ROBO2: variants seen among roughly 807,000 people sequenced by gnomAD.
The protein encoded by ROBO2 is roundabout homolog 2.
In ROBO2, 53 loss-of-function variants were observed where a neutral mutation model predicts 160.8. The observed-to-expected ratio is 0.33, with a 90% CI of 0.26 to 0.41. ROBO2 has a LOEUF of 0.41. ROBO2 is among the 10% of genes least tolerant of loss of function. The pLI is 1.00. For missense variants in ROBO2, 1,577 were observed against 1,722.4 expected, an observed-to-expected ratio of 0.92 and a Z score of 1.49; for synonymous variants, 664 against 611.7, an observed-to-expected ratio of 1.09 and a Z score of -1.26.
chr3:77,527,376 C>G (rs1406872889), intron 6 of ROBO2, 27 bp from the exon 7 acceptor site: 1 of 1,284,462 alleles, frequency 7.8e-7, no homozygotes, highest in Non-Finnish European at 1.0e-6. Flanking sequence ...TTTTTATGTT[C>G]TCACCACACC....
chr3:77,130,923 G>A (rs1238052369), intron 2 of ROBO2, among the ~76,000 whole-genome samples: 1 of 152,064 alleles, frequency 6.6e-6, no homozygotes, highest in Non-Finnish European at 1.5e-5. Context: ...ATTACGTTGT[G>A]CAAACTTCTT....
intron 2 of ROBO2, among the ~76,000 whole-genome samples, chr3:76,736,049 C>T (rs1331924288): frequency 2.0e-5 from 3 of 151,462 alleles, no homozygotes; most frequent in Admixed American, 2.0e-4. Flanking sequence ...TTTGGGAGGC[C>T]GAGGCGGGCG....
chr3:77,153,152 G>C (rs2077684979), intron 2 of ROBO2, among the ~76,000 whole-genome samples: 1 of 152,122 alleles, frequency 6.6e-6, no homozygotes, highest in African/African-American at 2.4e-5. Flanking sequence ...TTTTGGAAGA[G>C]TTTGTGAAGA....
rs564453040 is a variant in ROBO2 at position 76,184,409 on chromosome 3, C to A, written c.109+246807C>A. On this transcript the variant is annotated intron_variant, in intron 2 of 26. Transcript: ENST00000487694. Reference sequence around the variant, plus strand: ...CCATGACTGGCATATCAGCACAAAGCAAGTTGGATGACCAGCCCAGATTTA... The same window carrying A: ...CCATGACTGGCATATCAGCACAAAGAAAGTTGGATGACCAGCCCAGATTTA... Among the ~76,000 whole-genome samples, 168 of 152,202 alleles carry A rather than the reference C, an allele frequency of 1.1e-3. 1 individual carries two copies. The highest frequency in any genetic ancestry group is 1.9e-3 in the Non-Finnish European group (130 of 68,010).
chr3:76,576,544 A>G (rs1019541794), intron 2 of ROBO2, among the ~76,000 whole-genome samples: 4 of 152,102 alleles, frequency 2.6e-5, no homozygotes, highest in Admixed American at 1.3e-4. Flanking sequence ...TATAATCACA[A>G]ATCAGGTGGC....
intron 2 of ROBO2, among the ~76,000 whole-genome samples, chr3:76,504,213 G>C (rs995732819): frequency 6.6e-6 from 1 of 152,134 alleles, no homozygotes; most frequent in Non-Finnish European, 1.5e-5. Flanking sequence ...ATGTAAAATA[G>C]AGGTTTTGTA....
At chr3:77,325,406 G>T (rs1254709720) in intron 2 of ROBO2, among the ~76,000 whole-genome samples, 2 of 152,146 alleles carry the variant, frequency 1.3e-5, no homozygotes, top group African/African-American at 4.8e-5. Context: ...GACGCAACTG[G>T]GGATTTGACA....
chr3:77,246,557 T>C (rs1430119647), intron 2 of ROBO2, among the ~76,000 whole-genome samples: 1 of 152,100 alleles, frequency 6.6e-6, no homozygotes, highest in Admixed American at 6.5e-5. Context: ...AAGAGAAACA[T>C]GAGACTTCAA....
chr3:76,411,269 G>T (rs2075472008), intron 2 of ROBO2, among the ~76,000 whole-genome samples: 1 of 151,884 alleles, frequency 6.6e-6, no homozygotes, highest in African/African-American at 2.4e-5. Context: ...TGGCCAGGCA[G>T]TGTACCAAGA....
At chr3:77,216,029 G>A (rs1307038015) in intron 2 of ROBO2, among the ~76,000 whole-genome samples, 1 of 152,126 alleles carries the variant, frequency 6.6e-6, no homozygotes, top group Non-Finnish European at 1.5e-5. Context: ...CGGGGGTCAG[G>A]GACCCACTTG....
chr3:77,100,089 G>C (rs2071693402), intron 2 of ROBO2, among the ~76,000 whole-genome samples: 1 of 152,022 alleles, frequency 6.6e-6, no homozygotes, highest in Non-Finnish European at 1.5e-5. Context: ...TCATCTAAAA[G>C]AATTGCTTTC....
chr3:76,293,661 T>C (rs988252747), intron 2 of ROBO2, among the ~76,000 whole-genome samples: 6 of 152,176 alleles, frequency 3.9e-5, no homozygotes, highest in Admixed American at 3.3e-4. Flanking sequence ...GACATGGACA[T>C]TGGATGGAGT....
At chr3:77,180,416 C>CTCTCTCTCTCTATATATATATATG (rs1433740534) in intron 2 of ROBO2, among the ~76,000 whole-genome samples, 2 of 90,708 alleles carry the variant, frequency 2.2e-5, no homozygotes, top group African/African-American at 3.8e-5. Context: ...CTCTCTCTCT[C>CTCTCTCTCTCTATATATATATATG]TATATATATA....
At chr3:76,118,971 A>G (rs756236752) in intron 2 of ROBO2, among the ~76,000 whole-genome samples, 4 of 152,180 alleles carry the variant, frequency 2.6e-5, no homozygotes, top group Non-Finnish European at 4.4e-5. Flanking sequence ...TTTTTCTTAT[A>G]GAAAATCATC....
At chr3:76,019,068 G>A (rs2066488313) in intron 2 of ROBO2, among the ~76,000 whole-genome samples, 1 of 151,788 alleles carries the variant, frequency 6.6e-6, no homozygotes, top group Non-Finnish European at 1.5e-5. Flanking sequence ...TTGCATTATG[G>A]CCTCCCCACA....
chr3:76,985,861 T>A (rs1231781629), intron 2 of ROBO2, among the ~76,000 whole-genome samples: 1 of 152,148 alleles, frequency 6.6e-6, no homozygotes, highest in Non-Finnish European at 1.5e-5. Context: ...CTGGAAGAGC[T>A]TGTGGTCCTG....
At chr3:76,148,043 C>T (rs2071985837) in intron 2 of ROBO2, among the ~76,000 whole-genome samples, 1 of 151,998 alleles carries the variant, frequency 6.6e-6, no homozygotes, top group Non-Finnish European at 1.5e-5. Context: ...CGTCAGAGAG[C>T]AAGCTGGCCT....
chr3:76,432,731 C>A (rs1028379629), intron 2 of ROBO2, among the ~76,000 whole-genome samples: 1 of 152,084 alleles, frequency 6.6e-6, no homozygotes, highest in Non-Finnish European at 1.5e-5. Flanking sequence ...CTGTATTCTA[C>A]TGGTCAAATC....
intron 2 of ROBO2, among the ~76,000 whole-genome samples, chr3:76,134,230 ACT>A (rs1175975088): frequency 6.6e-6 from 1 of 151,680 alleles, no homozygotes; most frequent in Non-Finnish European, 1.5e-5. Flanking sequence ...TTCTCATGGC[ACT>A]CTCTTTTCTT....
Sources: allele counts gnomAD v4.1 joint callset (sites outside exome capture counted in the v4.1 genomes callset), GRCh38; gene constraint gnomAD v4.1.1; transcripts MANE v1.5; gene names NCBI Gene and HGNC (gene_info 2026-07-23, HGNC 2026-07-21).